Variants in NID1 observed in about 807,000 individuals in gnomAD.
NID1 encodes nidogen 1, also known as nidogen-1.
NID1 carries 76 observed loss-of-function variants against 130.6 expected under a neutral mutation model. The ratio of observed to expected loss-of-function variants is 0.58; its 90% confidence interval spans 0.48 to 0.70. NID1 has a LOEUF of 0.70. Among genes scored for constraint, NID1 ranks in the 30% least tolerant of loss-of-function variants. The probability of loss-of-function intolerance (pLI) is 0.00; values close to 1 mark genes in which losing one functional copy is unlikely to be tolerated. For missense variants in NID1, 1,517 were observed against 1,664.8 expected, an observed-to-expected ratio of 0.91 and a Z score of 1.54; for synonymous variants, 665 against 675.1, an observed-to-expected ratio of 0.98 and a Z score of 0.23.
At chr1:235,991,578 C>T (rs1360739631) in intron 13 of NID1, among the ~76,000 whole-genome samples, 1 of 152,122 alleles carries the variant, frequency 6.6e-6, no homozygotes, top group Non-Finnish European at 1.5e-5. Flanking sequence ...AGTGGTCTGC[C>T]CACCTAGGTC....
chr1:236,002,750 G>A (rs1658117444), intron 12 of NID1, among the ~76,000 whole-genome samples: 1 of 152,120 alleles, frequency 6.6e-6, no homozygotes, highest in Non-Finnish European at 1.5e-5. Context: ...GGAACCACAG[G>A]CTCAGCGATC....
At chr1:236,048,473 T>C (rs1659674988) in intron 2 of NID1, among the ~76,000 whole-genome samples, 2 of 152,200 alleles carry the variant, frequency 1.3e-5, no homozygotes, top group Admixed American at 1.3e-4. Context: ...TGCTTTGCTT[T>C]ATGTCTACTT....
intron 1 of NID1, among the ~76,000 whole-genome samples, chr1:236,064,000 G>A (rs936370966): frequency 6.6e-6 from 1 of 152,166 alleles, no homozygotes; most frequent in African/African-American, 2.4e-5. Flanking sequence ...GCCATTTCAC[G>A]GGCAGGACAG....
At chr1:236,016,980 C>T (rs1169844890) in intron 10 of NID1, among the ~76,000 whole-genome samples, 168 bp downstream of exon 10, 1 of 152,206 alleles carries the variant, frequency 6.6e-6, no homozygotes, top group African/African-American at 2.4e-5. Context: ...ACTTGTGACT[C>T]TCCAGATAGT....
chr1:236,049,321 T>C (rs903108531), intron 1 of NID1, among the ~76,000 whole-genome samples: 3 of 151,912 alleles, frequency 2.0e-5, no homozygotes, highest in African/African-American at 7.3e-5. Flanking sequence ...TACACAAAAA[T>C]ACCAAAAATT....
chr1:235,996,413 A>C (rs768114385), intron 12 of NID1, among the ~76,000 whole-genome samples: 23 of 151,758 alleles, frequency 1.5e-4, no homozygotes, highest in Admixed American at 3.3e-4. Context: ...TATAATTTGT[A>C]TTTCTCTTTT....
intron 15 of NID1, among the ~76,000 whole-genome samples, chr1:235,982,870 G>GT (rs1458941152): frequency 6.6e-6 from 1 of 151,904 alleles, no homozygotes; most frequent in Non-Finnish European, 1.5e-5. Context: ...AATACTGTGG[G>GT]TTTTTTTGTT....
At chr1:236,034,453 GA>G (rs1347734245) in intron 5 of NID1, among the ~76,000 whole-genome samples, 1 of 147,924 alleles carries the variant, frequency 6.8e-6, no homozygotes, top group African/African-American at 2.5e-5. Flanking sequence ...GAAAGAAAAA[GA>G]AAAAGGCATG....
intron 1 of NID1, among the ~76,000 whole-genome samples, chr1:236,060,283 A>T (rs921916254): frequency 6.6e-6 from 1 of 152,032 alleles, no homozygotes; most frequent in Non-Finnish European, 1.5e-5. Flanking sequence ...GTAAAGTGTC[A>T]TGGTGCTGGT....
At position 235,981,740 on chromosome 1, in the gene NID1, C is replaced by T. The variant is rs142891889; in HGVS notation, c.3098G>A (p.Arg1033His). 48 of 1,613,950 alleles carry T rather than the reference C, an allele frequency of 3.0e-5. No individual in the cohort carries two copies. Among genetic ancestry groups the T allele is most frequent in the Middle Eastern group, 1.7e-4 (1 of 6,060 alleles). ...GTTAGAGTCTGTCCAGAAGATGTTG[C>T]GGCCAAGGTGATCAACAGCGATACC... ...PEGIAVDHLG[R>H]NIFWTDSNLD... The change falls in exon 16 of 20, where the codon CGC (arginine) becomes CAC (histidine). Residue 1033 changes from arginine to histidine, a missense_variant. By Grantham distance (29) the Arg-to-His change is conservative. This residue lies in a region of NID1 where 1,329 missense variants were observed against 1,429.2 expected (regional missense o/e 0.93). Coordinates refer to ENST00000264187, the MANE Select transcript of NID1 (RefSeq NM_002508.3).
chr1:236,064,756 G>C, intron 1 of NID1, 99 bp downstream of exon 1: 2 of 1,159,834 alleles, frequency 1.7e-6, no homozygotes, highest in South Asian at 3.0e-5. Flanking sequence ...CAGCGGGTCC[G>C]GGTCCCCGCC....
chr1:236,063,284 C>T (rs955375649), intron 1 of NID1, among the ~76,000 whole-genome samples: 7 of 151,594 alleles, frequency 4.6e-5, no homozygotes, highest in Non-Finnish European at 1.0e-4. Context: ...CTAGCCTGGC[C>T]AACATGGTGA....
chr1:236,050,379 C>A (rs1659732459), intron 1 of NID1, among the ~76,000 whole-genome samples: 1 of 151,830 alleles, frequency 6.6e-6, no homozygotes, highest in African/African-American at 2.4e-5. Flanking sequence ...CATGGTGAAA[C>A]CCTGTCTCTA....
At chr1:236,050,448 G>A (rs1659734651) in intron 1 of NID1, among the ~76,000 whole-genome samples, 1 of 152,024 alleles carries the variant, frequency 6.6e-6, no homozygotes, top group Non-Finnish European at 1.5e-5. Context: ...AGCTACTCAG[G>A]AGGCTGAGGC....
chr1:236,012,558 CAAAAAAAAAAA>C (rs56183830), intron 11 of NID1, among the ~76,000 whole-genome samples: 1 of 98,086 alleles, frequency 1.0e-5, no homozygotes, highest in African/African-American at 3.9e-5. Context: ...AATGCCATCT[CAAAAAAAAAAA>C]AAAAAAAAAA....
chr1:236,062,026 A>C lies in NID1; in HGVS notation c.225+2829T>G, dbSNP rs117858458. Among the ~76,000 whole-genome samples, 119 of 151,968 alleles carry C rather than the reference A, an allele frequency of 7.8e-4. 1 individual carries two copies. In the East Asian group the frequency reaches 0.021, roughly 27 times the overall value. On this transcript the variant is annotated intron_variant, in intron 1 of 19. Transcript: ENST00000264187. The stretch of plus-strand genomic sequence containing the variant: ...TGGAAAACACTTTGACAGTTCCTCA[A>C]AATATTAAACATAGAGTTACCATAT...
chr1:236,037,607 A>G (rs564509416), intron 5 of NID1, among the ~76,000 whole-genome samples: 36 of 152,068 alleles, frequency 2.4e-4, no homozygotes, highest in African/African-American at 8.7e-4. Flanking sequence ...GCAGTGAGCC[A>G]AGGTCACACC....
At chr1:235,998,105 T>G (rs1383263970) in intron 12 of NID1, among the ~76,000 whole-genome samples, 1 of 152,210 alleles carries the variant, frequency 6.6e-6, no homozygotes, top group Non-Finnish European at 1.5e-5. Context: ...GACTGGATCC[T>G]CGCAAAGCAG....
At chr1:236,012,221 G>T (rs115687832) in intron 11 of NID1, among the ~76,000 whole-genome samples, 178 bp from the exon 12 acceptor site, 1 of 152,096 alleles carries the variant, frequency 6.6e-6, no homozygotes, top group Non-Finnish European at 1.5e-5. Context: ...TCTATCTGTC[G>T]TACTTGCAAA....
Sources: allele counts gnomAD v4.1 joint callset (sites outside exome capture counted in the v4.1 genomes callset), GRCh38; gene constraint gnomAD v4.1.1; regional missense constraint gnomAD v4.1.1; transcripts MANE v1.5; gene names NCBI Gene and HGNC (gene_info 2026-07-23, HGNC 2026-07-21).